The following RABGAP1 variants were observed in gnomAD, a reference collection of about 807,000 sequenced individuals.
The protein encoded by RABGAP1 is RAB GTPase activating protein 1.
A neutral mutation model predicts 137.6 loss-of-function variants in RABGAP1; 23 were observed. That is an observed-to-expected ratio of 0.17 (90% CI 0.12 to 0.24). The LOEUF is 0.24. RABGAP1 is among the 10% of genes least tolerant of loss of function. The pLI, the probability that RABGAP1 is intolerant of heterozygous loss-of-function variation, is 1.00. For missense variants in RABGAP1, 906 were observed against 1,275.8 expected (o/e 0.71, Z 4.42); for synonymous variants, 451 against 450.7 (o/e 1.00, Z -0.01).
At chr9:123,064,746 T>C (rs1038159012) in intron 13 of RABGAP1, among the ~76,000 whole-genome samples, 3 of 152,234 alleles carry the variant, frequency 2.0e-5, no homozygotes, top group Non-Finnish European at 4.4e-5. Context: ...AGTTAACTCA[T>C]TATAGAAGAG....
upstream of RABGAP1, chr9:122,937,975 G>A (rs1250820509): frequency 2.0e-5 from 3 of 152,158 alleles, no homozygotes; most frequent in African/African-American, 7.2e-5. Context: ...GGGTGACAGA[G>A]CGAGACTCTT....
intron 5 of RABGAP1, 67 bp downstream of exon 5, chr9:122,989,538 T>C: frequency 6.8e-7 from 1 of 1,479,042 alleles, no homozygotes; most frequent in Non-Finnish European, 9.4e-7. Context: ...GTTGAAATGA[T>C]TATGGTATTT....
In RABGAP1 at chr9:122,982,498, C is replaced by T. The variant is rs544578569; in HGVS notation, c.151-1987C>T. 6.6e-5 allele frequency among the ~76,000 whole-genome samples: 10 copies of T among 152,276 alleles called. No homozygotes were observed. In the East Asian group the frequency reaches 1.9e-3, roughly 29 times the overall value. On this transcript the variant is annotated intron_variant, in intron 2 of 25. Transcript: ENST00000373647. ...CATGTAATATGTCTTCCTTCAATTC[C>T]AGTTGCATTCCCAGTTGTAATTACT...
chr9:123,052,845 C>G (rs2033545738), intron 13 of RABGAP1, among the ~76,000 whole-genome samples: 1 of 152,184 alleles, frequency 6.6e-6, no homozygotes, highest in African/African-American at 2.4e-5. Flanking sequence ...GAGGCTGAGG[C>G]AGGAAAATCT....
chr9:122,944,715 C>T (rs951050071), intron 1 of RABGAP1, among the ~76,000 whole-genome samples: 6 of 151,544 alleles, frequency 4.0e-5, no homozygotes, highest in Non-Finnish European at 7.4e-5. Context: ...GGACTACAGG[C>T]GCGCACCACC....
intron 2 of RABGAP1, among the ~76,000 whole-genome samples, chr9:122,962,903 A>G (rs755844023): frequency 1.8e-4 from 27 of 152,360 alleles, no homozygotes; most frequent in Non-Finnish European, 2.6e-4. Context: ...TAATGCAAAC[A>G]GCATTATAAG....
intron 2 of RABGAP1, among the ~76,000 whole-genome samples, chr9:122,977,724 G>A (rs1835837765): frequency 6.6e-6 from 1 of 152,104 alleles, no homozygotes; most frequent in African/African-American, 2.4e-5. Flanking sequence ...AAAAAAAAAA[G>A]CAGGAAGAGG....
At chr9:122,956,541 T>C (rs996649912) in intron 1 of RABGAP1, among the ~76,000 whole-genome samples, 1 of 151,076 alleles carries the variant, frequency 6.6e-6, no homozygotes, top group African/African-American at 2.4e-5. Flanking sequence ...TCCTAGCTAC[T>C]CAGGAGGCTG....
chr9:123,010,720 T>A (rs937664407), intron 11 of RABGAP1, among the ~76,000 whole-genome samples, 192 bp downstream of exon 11: 1 of 152,228 alleles, frequency 6.6e-6, no homozygotes, highest in Non-Finnish European at 1.5e-5. Flanking sequence ...TTTAAGATAC[T>A]TGTAACCCAG....
At chr9:122,961,134 A>G (rs2131639404) in intron 2 of RABGAP1, among the ~76,000 whole-genome samples, 2 of 152,334 alleles carry the variant, frequency 1.3e-5, no homozygotes, top group South Asian at 4.1e-4. Flanking sequence ...AAAACATCCC[A>G]AATTTATTTA....
At chr9:123,003,139 C>A (rs1186552690) in intron 10 of RABGAP1, among the ~76,000 whole-genome samples, 2 of 152,122 alleles carry the variant, frequency 1.3e-5, no homozygotes, top group Non-Finnish European at 2.9e-5. Flanking sequence ...TAAATGTATT[C>A]CCTCTTTTAC....
At chr9:123,035,570 C>T (rs543549231) in intron 13 of RABGAP1, 3 of 1,609,110 alleles carry the variant, frequency 1.9e-6, no homozygotes, top group Non-Finnish European at 2.5e-6. Flanking sequence ...GCCAACGACC[C>T]TTACACAGTT....
upstream of RABGAP1, among the ~76,000 whole-genome samples, chr9:122,936,699 C>G (rs1005657399): frequency 1.3e-5 from 2 of 152,160 alleles, no homozygotes; most frequent in African/African-American, 4.8e-5. Context: ...ACTGTTTTGA[C>G]CCCCCACCAG....
chr9:122,941,247 C>T (rs1833540436), intron 1 of RABGAP1, among the ~76,000 whole-genome samples, 154 bp downstream of exon 1: 2 of 152,112 alleles, frequency 1.3e-5, no homozygotes, highest in Admixed American at 6.5e-5. Flanking sequence ...GGGCCGAGTT[C>T]TGAGGGGAGC....
chr9:123,089,948 A>G (rs527986530), intron 20 of RABGAP1, 98 bp downstream of exon 20: 272 of 1,097,244 alleles, frequency 2.5e-4, no homozygotes, highest in South Asian at 8.2e-4. Flanking sequence ...TTAAAATTCA[A>G]TTCCTCTGTA....
At chr9:122,947,819 C>A (rs746927216) in intron 1 of RABGAP1, among the ~76,000 whole-genome samples, 9 of 152,120 alleles carry the variant, frequency 5.9e-5, no homozygotes, top group Admixed American at 2.0e-4. Flanking sequence ...ATTCTCTTAG[C>A]TCACTAAAAT....
At chr9:123,096,529 G>T (rs565717240) in intron 21 of RABGAP1, among the ~76,000 whole-genome samples, 7 of 152,284 alleles carry the variant, frequency 4.6e-5, no homozygotes, top group African/African-American at 1.7e-4. Context: ...GTAATTAATG[G>T]CCTTTTGAAT....
intron 2 of RABGAP1, among the ~76,000 whole-genome samples, chr9:122,961,284 C>G (rs1243449178): frequency 6.6e-6 from 1 of 152,142 alleles, no homozygotes; most frequent in African/African-American, 2.4e-5. Context: ...AGATAACTGA[C>G]TCATCAACTT....
chr9:123,032,274 G>A (rs1236895945), intron 13 of RABGAP1, among the ~76,000 whole-genome samples: 1 of 152,108 alleles, frequency 6.6e-6, no homozygotes, highest in African/African-American at 2.4e-5. Context: ...AAGGAGTGTT[G>A]TTCTCATTTT....
Sources: allele counts gnomAD v4.1 joint callset (sites outside exome capture counted in the v4.1 genomes callset), GRCh38; gene constraint gnomAD v4.1.1; transcripts MANE v1.5; gene names NCBI Gene and HGNC (gene_info 2026-07-23, HGNC 2026-07-21).